CDH22: variants seen among roughly 807,000 people sequenced by gnomAD.
CDH22 encodes cadherin 22.
A neutral mutation model predicts 58.4 loss-of-function variants in CDH22; 30 were observed. The ratio of observed to expected loss-of-function variants is 0.51; its 90% CI spans 0.38 to 0.70. CDH22 has a LOEUF of 0.70. Ranked by LOEUF, CDH22 falls within the 30% of genes least tolerant of loss-of-function variation. The pLI is 0.00. For synonymous variants in CDH22, 513 were observed against 558.2 expected (o/e 0.92, Z 1.14); for missense variants, 1,014 against 1,233.9 (o/e 0.82, Z 2.67).
intron 6 of CDH22, among the ~76,000 whole-genome samples, chr20:46,211,443 T>C (rs913277553): frequency 1.3e-4 from 20 of 152,252 alleles, no homozygotes; most frequent in African/African-American, 4.8e-4. Context: ...GCCTGTTGCC[T>C]GGGAAATCAG....
intron 4 of CDH22, among the ~76,000 whole-genome samples, chr20:46,222,794 A>G (rs988209266): frequency 1.3e-5 from 2 of 152,216 alleles, no homozygotes; most frequent in African/African-American, 4.8e-5. Context: ...AAAACACACA[A>G]GTTAATTCCT....
chr20:46,299,512 C>T (rs71351630), intron 1 of CDH22, among the ~76,000 whole-genome samples: 2 of 152,194 alleles, frequency 1.3e-5, no homozygotes, highest in Non-Finnish European at 2.9e-5. Context: ...CATGTAGTCA[C>T]GTTTGTGTGA....
intron 10 of CDH22, among the ~76,000 whole-genome samples, chr20:46,179,883 G>T (rs567846711): frequency 6.6e-6 from 1 of 152,070 alleles, no homozygotes; most frequent in Non-Finnish European, 1.5e-5. Context: ...TGTCTAGGCC[G>T]CCCTGCCTTT....
chr20:46,289,700 G>C, intron 1 of CDH22, among the ~76,000 whole-genome samples: 1 of 152,202 alleles, frequency 6.6e-6, no homozygotes, highest in South Asian at 2.1e-4. Context: ...GCGATATGAG[G>C]GAGGGATTAT....
rs141431120 is a variant in CDH22 at position 46,176,443 on chromosome 20, T to G, written c.1916-1366A>C. ...TTAGGAACCCCGACTTTTCAATTAC[T>G]CAGGGCTTCTAAGTCTCTTTTGTTG... On this transcript the variant is annotated intron_variant, in intron 11 of 11. Transcript: ENST00000537909. 2.4e-4 allele frequency among the ~76,000 whole-genome samples: 37 copies of G among 152,238 alleles called. No homozygotes were observed. In the East Asian group the frequency reaches 6.9e-3, roughly 29 times the overall value.
intron 5 of CDH22, among the ~76,000 whole-genome samples, 184 bp from the exon 6 acceptor site, chr20:46,213,372 G>A (rs559267267): frequency 6.6e-6 from 1 of 152,332 alleles, no homozygotes; most frequent in African/African-American, 2.4e-5. Context: ...TTGGGTGGCA[G>A]TGCAAAAGGA....
Position 46,251,622 on chromosome 20 carries a change from T to A in CDH22, c.-328A>T. 4.8e-6 allele frequency: 1 copy of A among 207,034 alleles called. No homozygotes were observed. Among genetic ancestry groups the A allele is most frequent in the Non-Finnish European group, 9.5e-6 (1 of 104,888 alleles). The allele number at this position is 207,034 out of a possible 1,614,324, so 12.8% of individuals were successfully genotyped here. On this transcript the variant is annotated 5_prime_UTR_variant, in exon 2 of 12. Coordinates refer to ENST00000537909, the MANE Select transcript of CDH22 (RefSeq NM_021248.3). This position sits in a 1 kb window ranked among gnomAD's most constrained non-coding sequence, Gnocchi z 6.7. ...AGAGTCGGGGAAGCGCCATGGTTCC[T>A]GCGCAGAAAGGATGCGGGTTGGGGC...
Position 46,174,588 on chromosome 20 carries a change from A to C in CDH22, c.2405T>G (p.Leu802Arg). The change falls in exon 12 of 12, where the codon CTC becomes CGC. Residue 802 changes from leucine (L) to arginine (R), a missense_variant. This residue lies in a region of CDH22 where 208 missense variants were observed against 195.2 expected (regional missense o/e 1.07). Transcript: ENST00000537909. This position sits in a 1 kb window ranked among gnomAD's most constrained non-coding sequence, Gnocchi z 4.4. ...CCGGAAGCGCGGACCCCAGCTGCTG[A>C]GATAGGCGAAGTCCTGCTCGGAGCC... is the stretch of plus-strand genomic sequence containing the variant. ...SSGSEQDFAY[L>R]SSWGPRFRPL... The C allele has an allele frequency of 6.5e-7, 1 of 1,533,594 alleles. No homozygotes were observed. The highest frequency in any genetic ancestry group is 2.5e-5 in the East Asian group (1 of 40,782). 95.0% of individuals were successfully genotyped at this position (1,533,594 alleles called of 1,614,324 possible).
intron 1 of CDH22, among the ~76,000 whole-genome samples, chr20:46,264,360 G>A (rs969532510): frequency 1.3e-5 from 2 of 152,182 alleles, no homozygotes; most frequent in African/African-American, 4.8e-5. Context: ...TGCATACCTT[G>A]AGCTGATTCT....
At chr20:46,232,715 G>A (rs968685122) in intron 3 of CDH22, among the ~76,000 whole-genome samples, 24 of 152,204 alleles carry the variant, frequency 1.6e-4, no homozygotes, top group African/African-American at 5.3e-4. Flanking sequence ...CTCTGGGAAC[G>A]CTCAGATTAC....
chr20:46,234,672 C>T (rs999933662), intron 3 of CDH22, among the ~76,000 whole-genome samples: 7 of 152,240 alleles, frequency 4.6e-5, no homozygotes, highest in Non-Finnish European at 8.8e-5. Context: ...ATGGCATGTG[C>T]GCTATGACAT....
At chr20:46,307,517 C>T (rs1185476488) in intron 1 of CDH22, among the ~76,000 whole-genome samples, 1 of 152,204 alleles carries the variant, frequency 6.6e-6, no homozygotes, top group African/African-American at 2.4e-5. Flanking sequence ...GGGACGGTGT[C>T]TCCGGAGTCG....
At position 46,213,107 on chromosome 20, in the gene CDH22, C is replaced by T. The variant is rs1173536517; in HGVS notation, c.920G>A (p.Gly307Glu). Reference sequence around the variant, plus strand: ...GTGGTAAGTCATGTCTGTGTTCTCTCCCACGTCTGAGTCCTCAGCCTTCAC... The same window carrying T: ...GTGGTAAGTCATGTCTGTGTTCTCTTCCACGTCTGAGTCCTCAGCCTTCAC... ...GRVKAEDSDV[G>E]ENTDMTYHLK... The change falls in exon 6 of 12, where the codon GGA (glycine) becomes GAA (glutamate). Residue 307 changes from glycine (G) to glutamate (E), a missense_variant. This residue lies in a region of CDH22 where 806 missense variants were observed against 1,038.7 expected (regional missense o/e 0.78). Transcript: ENST00000537909. The T allele has an allele frequency of 4.3e-6, 7 of 1,614,066 alleles. No homozygotes were observed. In the South Asian group the frequency reaches 5.5e-5, roughly 13 times the overall value.
chr20:46,186,798 C>G lies in CDH22; in HGVS notation c.1545+28G>C, dbSNP rs769739671. Reference sequence around the variant, plus strand: ...TGCTGCTGGCCAGTCCTGGAAGCAACGCCCAGTCCCCACCCCCTCAGGGGT... The same window carrying G: ...TGCTGCTGGCCAGTCCTGGAAGCAAGGCCCAGTCCCCACCCCCTCAGGGGT... On this transcript the variant is annotated intron_variant, in intron 9 of 11. Coordinates refer to ENST00000537909, the MANE Select transcript of CDH22 (RefSeq NM_021248.3). 1.0e-5 allele frequency: 16 copies of G among 1,594,672 alleles called. 2 individuals are homozygous for G. In the South Asian group the frequency reaches 1.7e-4, roughly 17 times the overall value.
At chr20:46,246,690 C>A (rs1000313159) in intron 2 of CDH22, among the ~76,000 whole-genome samples, 1 of 152,036 alleles carries the variant, frequency 6.6e-6, no homozygotes, top group African/African-American at 2.4e-5. Flanking sequence ...CTGACAGGAG[C>A]CTGGCGGTGA....
At chr20:46,186,556 C>T in intron 10 of CDH22, 32 bp downstream of exon 10, 1 of 1,484,740 alleles carries the variant, frequency 6.7e-7, no homozygotes, top group Non-Finnish European at 9.4e-7. Context: ...CTGTGCCCCT[C>T]CCTTCTTGCA....
At chr20:46,212,973 A>G (rs767133017) in intron 6 of CDH22, 22 bp downstream of exon 6, 39 of 1,605,898 alleles carry the variant, frequency 2.4e-5, no homozygotes, top group Admixed American at 8.3e-5. Context: ...TGCCTCCCCC[A>G]TTCCTCCTGA....
chr20:46,266,234 C>T (rs552459035), intron 1 of CDH22, among the ~76,000 whole-genome samples: 13 of 152,330 alleles, frequency 8.5e-5, no homozygotes, highest in African/African-American at 2.6e-4. Context: ...TCTCTTCCCA[C>T]TCTCACCTAC....
chr20:46,220,439 C>T (rs115060616), intron 4 of CDH22: 1,747 of 153,170 alleles, frequency 0.011, 19 homozygotes, highest in South Asian at 0.049. Context: ...GTGCAGCAGC[C>T]ACCAGGCCAG....
Sources: allele counts gnomAD v4.1 joint callset (sites outside exome capture counted in the v4.1 genomes callset), GRCh38; gene constraint gnomAD v4.1.1; regional missense constraint gnomAD v4.1.1; non-coding constraint Gnocchi (gnomAD v3.1); transcripts MANE v1.5; gene names NCBI Gene and HGNC (gene_info 2026-07-23, HGNC 2026-07-21).